The following DYNC1LI1 variants were observed in gnomAD, a reference collection of about 807,000 sequenced individuals.
DYNC1LI1 encodes cytoplasmic dynein 1 light intermediate chain 1.
In DYNC1LI1, 19 loss-of-function variants were observed where a neutral mutation model predicts 63.8. That is an observed-to-expected ratio of 0.30 (90% CI 0.21 to 0.44). The LOEUF (loss-of-function observed/expected upper bound fraction) is 0.44. DYNC1LI1 is among the 20% of genes least tolerant of loss of function. The pLI is 1.00. For missense variants in DYNC1LI1, 565 were observed against 630.2 expected, an observed-to-expected ratio of 0.90 and a Z score of 1.11; for synonymous variants, 225 against 232.3, an observed-to-expected ratio of 0.97 and a Z score of 0.28.
rs912054645 is a variant in DYNC1LI1 at position 32,545,681 on chromosome 3, C to T, written c.337+168G>A. 10 of 631,370 alleles carry T rather than the reference C, an allele frequency of 1.6e-5. No homozygotes were observed. In the African/African-American group the frequency reaches 1.7e-4, roughly 11 times the overall value. 39.1% of individuals were successfully genotyped at this position (631,370 alleles called of 1,614,324 possible). A position where few individuals can be genotyped will look rare whatever the true frequency, so the allele number is the denominator to read the frequency against. ...TGCTTAAAAGTATCATATATGAATC[C>T]CAATCCCAAATTAATAAAAGTATGG... On this transcript the variant is annotated intron_variant, in intron 3 of 12. Transcript: ENST00000273130.
At position 32,534,658 on chromosome 3, in the gene DYNC1LI1, G is replaced by A. The variant is rs1164228261; in HGVS notation, c.833-12C>T. 9.9e-6 allele frequency: 15 copies of A among 1,508,638 alleles called. No homozygotes were observed. The highest frequency in any genetic ancestry group is 1.4e-5 in the South Asian group (1 of 71,972). The allele number at this position is 1,508,638 out of a possible 1,614,324, so 93.5% of individuals were successfully genotyped here. ...AAGTGCTGCACCATCTGAATAATAT[G>A]GTTAAAGAAAAATTCTGGACAAATG... On this transcript the variant is annotated splice_polypyrimidine_tract_variant and intron_variant, in intron 6 of 12. Coordinates refer to ENST00000273130, the MANE Select transcript of DYNC1LI1 (RefSeq NM_016141.4).
chr3:32,538,129 CAG>C (rs1697825897), intron 5 of DYNC1LI1, among the ~76,000 whole-genome samples: 1 of 90,270 alleles, frequency 1.1e-5, no homozygotes, highest in Admixed American at 1.5e-4. Context: ...AAAAACCTAA[CAG>C]GGTGCAGTGG....
At chr3:32,542,406 CA>C (rs1697894400) in intron 4 of DYNC1LI1, among the ~76,000 whole-genome samples, 1 of 143,154 alleles carries the variant, frequency 7.0e-6, no homozygotes, top group Admixed American at 7.2e-5. Flanking sequence ...CGGCTATTTT[CA>C]ATTTTTTTTT....
intron 2 of DYNC1LI1, among the ~76,000 whole-genome samples, chr3:32,554,910 C>A (rs968409645): frequency 1.5e-5 from 2 of 134,842 alleles, no homozygotes; most frequent in Non-Finnish European, 3.1e-5. Context: ...CACTTTGTCA[C>A]CCAGGATGGA....
chr3:32,547,942 T>C (rs1697978227), intron 2 of DYNC1LI1, among the ~76,000 whole-genome samples: 1 of 152,116 alleles, frequency 6.6e-6, no homozygotes, highest in African/African-American at 2.4e-5. Context: ...CATAATAGTA[T>C]TGCATTGTGG....
At chr3:32,559,950 T>C (rs545569194) in intron 2 of DYNC1LI1, among the ~76,000 whole-genome samples, 2 of 152,262 alleles carry the variant, frequency 1.3e-5, no homozygotes, top group South Asian at 2.1e-4. Context: ...TGAGGGACTT[T>C]AGGTGTGCTC....
chr3:32,529,719 T>A, intron 10 of DYNC1LI1, 59 bp from the exon 11 acceptor site: 1 of 1,445,482 alleles, frequency 6.9e-7, no homozygotes, highest in Admixed American at 2.3e-5. Flanking sequence ...TTCACAAAAG[T>A]TATTATTGTA....
Position 32,530,534 on chromosome 3 carries a change from T to G in DYNC1LI1, c.1081-14A>C. ...CTCATGTACAAACTGAAATGAGCAA[T>G]GCACAAATGAGCAAATTTAATATAT... On this transcript the variant is annotated splice_polypyrimidine_tract_variant and intron_variant, in intron 8 of 12. Coordinates refer to ENST00000273130, the MANE Select transcript of DYNC1LI1 (RefSeq NM_016141.4). 1 of 1,607,862 alleles carries G rather than the reference T, an allele frequency of 6.2e-7. No homozygotes were observed. Among genetic ancestry groups the G allele is most frequent in the Non-Finnish European group, 8.5e-7 (1 of 1,175,830 alleles).
chr3:32,554,126 G>T (rs137866608), intron 2 of DYNC1LI1, among the ~76,000 whole-genome samples: 24 of 152,332 alleles, frequency 1.6e-4, no homozygotes, highest in African/African-American at 5.5e-4. Flanking sequence ...AGAAGAGAAA[G>T]AAAATTAATG....
At chr3:32,566,243 G>GTGT (rs1698258058) in intron 2 of DYNC1LI1, among the ~76,000 whole-genome samples, 1 of 152,060 alleles carries the variant, frequency 6.6e-6, no homozygotes, top group Non-Finnish European at 1.5e-5. Flanking sequence ...CTACGCTCCA[G>GTGT]CCTGGGTGAC....
At chr3:32,536,990 T>G in intron 6 of DYNC1LI1, 21 bp downstream of exon 6, 1 of 1,345,820 alleles carries the variant, frequency 7.4e-7, no homozygotes, top group Non-Finnish European at 1.0e-6. Context: ...ACTGAATCAA[T>G]AAATGTATTT....
chr3:32,539,552 T>C (rs1305692294), intron 5 of DYNC1LI1, among the ~76,000 whole-genome samples: 1 of 152,042 alleles, frequency 6.6e-6, no homozygotes, highest in Non-Finnish European at 1.5e-5. Flanking sequence ...TTATTATTAT[T>C]ATTTTGAGAT....
chr3:32,532,075 CTCTA>C (rs1338446954), intron 8 of DYNC1LI1: 3 of 152,124 alleles, frequency 2.0e-5, no homozygotes, highest in South Asian at 2.1e-4. Flanking sequence ...TCAGAAACAT[CTCTA>C]TCTATAGAAC....
At chr3:32,555,965 G>A (rs1032928845) in intron 2 of DYNC1LI1, among the ~76,000 whole-genome samples, 2 of 152,124 alleles carry the variant, frequency 1.3e-5, no homozygotes, top group African/African-American at 4.8e-5. Context: ...AAAAAAACCC[G>A]TCAGGGTCTT....
chr3:32,545,974 G>GT lies in DYNC1LI1; in HGVS notation c.221-10dup, dbSNP rs1697946826. On this transcript the variant is annotated splice_polypyrimidine_tract_variant and intron_variant, in intron 2 of 12. Transcript: ENST00000273130. ...TCCAGCTCCATCTTCACCTAGATAT[G>GT]TAAAAAAAGGATAAATCTTATAAAT... 1 of 1,507,206 alleles carries GT rather than the reference G, an allele frequency of 6.6e-7. No homozygotes were observed. The highest frequency in any genetic ancestry group is 1.8e-5 in the Admixed American group (1 of 55,380). 93.4% of individuals were successfully genotyped at this position (1,507,206 alleles called of 1,614,324 possible).
intron 2 of DYNC1LI1, among the ~76,000 whole-genome samples, chr3:32,554,863 A>ATTTTTTTTTTTTTTTTTTTTTTTTTTTT (rs11434502): frequency 1.9e-5 from 2 of 104,724 alleles, no homozygotes; most frequent in African/African-American, 7.7e-5. Flanking sequence ...AAATTTTTGA[A>ATTTTTTTTTTTTTTTTTTTTTTTTTTTT]TTTTTTTTTT....
In DYNC1LI1 at chr3:32,570,327, C is replaced by CGA; in HGVS notation, c.220+17_220+18dup. The stretch of plus-strand genomic sequence containing the variant: ...CCGCTGGGGGCCGGGCGGGGCGGGG[C>CGA]GAGGCAGGGAACACTTACCCAGCAG... On this transcript the variant is annotated intron_variant, in intron 2 of 12. Transcript: ENST00000273130. The CGA allele has an allele frequency of 6.3e-7, 1 of 1,575,030 alleles. No individual in the cohort carries two copies. The highest frequency in any genetic ancestry group is 8.6e-7 in the Non-Finnish European group (1 of 1,158,614).
chr3:32,537,994 T>A (rs1330682296), intron 5 of DYNC1LI1, among the ~76,000 whole-genome samples: 4 of 62,038 alleles, frequency 6.4e-5, no homozygotes, highest in African/African-American at 2.3e-4. Context: ...TATATATATA[T>A]AATTTATATA....
intron 9 of DYNC1LI1, 38 bp downstream of exon 9, chr3:32,530,422 AT>A: frequency 1.2e-6 from 2 of 1,606,886 alleles, no homozygotes; most frequent in Non-Finnish European, 1.7e-6. Context: ...CAGTTTACCC[AT>A]TAACCATACT....
Sources: gnomAD v4.1 joint callset for allele counts (sites outside exome capture counted in the v4.1 genomes callset) on GRCh38, gnomAD v4.1.1 for gene constraint, MANE v1.5 for transcripts, NCBI Gene and HGNC (gene_info 2026-07-23, HGNC 2026-07-21) for gene names.